The following UCHL1 variants were observed in gnomAD, a reference collection of about 807,000 sequenced individuals.
The protein encoded by UCHL1 is ubiquitin carboxyl-terminal hydrolase isozyme L1.
In UCHL1, 5 loss-of-function variants were observed where a neutral mutation model predicts 33.3. The observed-to-expected ratio is 0.15, with a 90% confidence interval of 0.08 to 0.32. The LOEUF is 0.32. Ranked by LOEUF, UCHL1 falls within the 10% of genes least tolerant of loss-of-function variation. UCHL1 has a pLI of 1.00. For missense variants in UCHL1, 236 were observed against 280.0 expected (o/e 0.84, Z 1.12); for synonymous variants, 132 against 108.8 (o/e 1.21, Z -1.33).
At position 41,268,026 on chromosome 4, in the gene UCHL1, C is replaced by G; in HGVS notation, c.625C>G (p.Gln209Glu). Residue 209 changes from glutamine to glutamate, a missense_variant, in exon 9 of 9, where the codon CAA becomes GAA. Coordinates refer to ENST00000284440, the MANE Select transcript of UCHL1 (RefSeq NM_004181.5). ...KVCREFTERE[Q>E]GEVRFSAVAL... ...CTGCAGAGAATTCACCGAGCGTGAG[C>G]AAGGAGAAGTCCGCTTCTCTGCCGT... 1 of 1,613,704 alleles carries G rather than the reference C, an allele frequency of 6.2e-7. No homozygotes were observed. The highest frequency in any genetic ancestry group is 2.2e-5 in the East Asian group (1 of 44,888).
At position 41,261,699 on chromosome 4, in the gene UCHL1, C is replaced by A. The variant is rs767268217; in HGVS notation, c.326-16C>A. 2.5e-6 allele frequency: 4 copies of A among 1,592,010 alleles called. No individual in the cohort carries two copies. In the South Asian group the frequency reaches 4.4e-5, roughly 18 times the overall value. On this transcript the variant is annotated splice_polypyrimidine_tract_variant and intron_variant, in intron 4 of 8. Coordinates refer to ENST00000284440, the MANE Select transcript of UCHL1 (RefSeq NM_004181.5). ...TATTATTTTACCTATACTAACACAT[C>A]CATTTTTTTTTTAAGAGGATGGATC...
At chr4:41,261,609 A>T in intron 4 of UCHL1, 106 bp from the exon 5 acceptor site, 1 of 1,226,862 alleles carries the variant, frequency 8.2e-7, no homozygotes, top group Non-Finnish European at 1.2e-6. Flanking sequence ...AGGCAGTATT[A>T]AAGATTCAGG....
rs562809259 is a variant in UCHL1, at chr4:41,257,028, G to A, written c.33+19G>A. Reference sequence around the variant, plus strand: ...CCCCGAGGTGAGCGCCAGGTGCACCGCTACCCGGAGAGCGCGAGGCCGAGG... The same window carrying A: ...CCCCGAGGTGAGCGCCAGGTGCACCACTACCCGGAGAGCGCGAGGCCGAGG... On this transcript the variant is annotated intron_variant, in intron 1 of 8. Transcript: ENST00000284440. The A allele has an allele frequency of 9.3e-6, 15 of 1,614,164 alleles. No individual in the cohort carries two copies. Among genetic ancestry groups the A allele is most frequent in the East Asian group, 6.7e-5 (3 of 44,874 alleles).
intron 3 of UCHL1, among the ~76,000 whole-genome samples, chr4:41,258,663 A>C (rs1412367236): frequency 6.6e-6 from 1 of 152,220 alleles, no homozygotes; most frequent in African/African-American, 2.4e-5. Flanking sequence ...ATCACTCTAA[A>C]GAGTGAGGTT....
intron 6 of UCHL1, among the ~76,000 whole-genome samples, chr4:41,262,141 A>T (rs1349516628): frequency 6.6e-6 from 1 of 152,212 alleles, no homozygotes; most frequent in Non-Finnish European, 1.5e-5. Flanking sequence ...AGTAAATTCA[A>T]ATTGACAGTA....
chr4:41,260,575 T>C (rs1299777038), intron 3 of UCHL1, 72 bp from the exon 4 acceptor site: 2 of 1,556,988 alleles, frequency 1.3e-6, no homozygotes, highest in Non-Finnish European at 1.8e-6. Flanking sequence ...ATTTAGTTGG[T>C]AGAACTCATG....
chr4:41,264,321 T>C (rs1045393504), intron 8 of UCHL1, 160 bp downstream of exon 8: 253 of 881,448 alleles, frequency 2.9e-4, no homozygotes, highest in Non-Finnish European at 5.1e-5. Flanking sequence ...TCTATCTACC[T>C]TATTTTATTG....
At chr4:41,258,763 A>C (rs1489311844) in intron 3 of UCHL1, among the ~76,000 whole-genome samples, 1 of 152,220 alleles carries the variant, frequency 6.6e-6, no homozygotes, top group African/African-American at 2.4e-5. Flanking sequence ...CCTCCTAGTA[A>C]GTAAGCTAAG....
chr4:41,261,594 C>A, intron 4 of UCHL1, 121 bp from the exon 5 acceptor site: 1 of 1,055,506 alleles, frequency 9.5e-7, no homozygotes, highest in Non-Finnish European at 1.4e-6. Context: ...CATCCACAAC[C>A]CTGGAGGCAG....
chr4:41,260,490 C>T (rs1781053223), intron 3 of UCHL1, 157 bp from the exon 4 acceptor site: 4 of 886,818 alleles, frequency 4.5e-6, no homozygotes, highest in Non-Finnish European at 7.0e-6. Flanking sequence ...GGGAGGCAGA[C>T]AGACGGGCCC....
At chr4:41,263,141 T>A in intron 6 of UCHL1, 84 bp from the exon 7 acceptor site, 1 of 1,075,754 alleles carries the variant, frequency 9.3e-7, no homozygotes, top group Non-Finnish European at 1.4e-6. Context: ...ATCAAGTCAG[T>A]TCAAGCACAT....
chr4:41,257,009 G>A lies in UCHL1; in HGVS notation c.33G>A (p.Glu11=). The stretch of plus-strand genomic sequence containing the variant: ...TCAAGCCGATGGAGATCAACCCCGA[G>A]GTGAGCGCCAGGTGCACCGCTACCC... The part of the protein sequence containing the change: MQLKPMEINP[E]MLNKVLSRLG... The change falls in exon 1 of 9, where the codon GAG becomes GAA. Residue 11 remains glutamate, a splice_region_variant and synonymous_variant. Coordinates refer to ENST00000284440, the MANE Select transcript of UCHL1 (RefSeq NM_004181.5). 1 of 1,614,206 alleles carries A rather than the reference G, an allele frequency of 6.2e-7. No individual in the cohort carries two copies.
At chr4:41,262,027 C>G in intron 6 of UCHL1, 104 bp downstream of exon 6, 1 of 1,493,494 alleles carries the variant, frequency 6.7e-7, no homozygotes, top group Non-Finnish European at 9.1e-7. Context: ...TGTTATCCAC[C>G]CAAGGCCAAA....
intron 3 of UCHL1, 117 bp from the exon 4 acceptor site, chr4:41,260,530 C>T (rs566091341): frequency 7.7e-7 from 1 of 1,300,974 alleles, no homozygotes; most frequent in Non-Finnish European, 1.1e-6. Context: ...CATCTAGAAC[C>T]AGGGGTTCTG....
At chr4:41,266,229 T>A (rs200913073) in intron 8 of UCHL1, among the ~76,000 whole-genome samples, 53 of 149,024 alleles carry the variant, frequency 3.6e-4, no homozygotes, top group Admixed American at 1.6e-3. Flanking sequence ...GCTAAAACTT[T>A]TTTTTTTTTT....
At position 41,267,990 on chromosome 4, in the gene UCHL1, G is replaced by A; in HGVS notation, c.589G>A (p.Ala197Thr). The A allele has an allele frequency of 6.2e-7, 1 of 1,612,846 alleles. No homozygotes were observed. Among genetic ancestry groups the A allele is most frequent in the Non-Finnish European group, 8.5e-7 (1 of 1,179,498 alleles). Residue 197 changes from alanine to threonine, a missense_variant, in exon 9 of 9, where the codon GCT (alanine) becomes ACT (threonine). Ala to Thr is a moderately conservative substitution (Grantham distance 58). Coordinates refer to ENST00000284440, the MANE Select transcript of UCHL1 (RefSeq NM_004181.5). ...ASSEDTLLKDAAKVCREFTER... is the reference protein window; with the variant it reads ...ASSEDTLLKDTAKVCREFTER... ...TAATGACATTTCTCCTTTCCAGGAC[G>A]CTGCCAAGGTCTGCAGAGAATTCAC...
At position 41,257,218 on chromosome 4, in the gene UCHL1, C is replaced by T. The variant is rs529297325; in HGVS notation, c.45+92C>T. On this transcript the variant is annotated intron_variant, in intron 2 of 8. Coordinates refer to ENST00000284440, the MANE Select transcript of UCHL1 (RefSeq NM_004181.5). ...GTTCCGGCTGCTGGCAGGGACCAAGCCGCCCGCTGCGAGCACCGGAGACGG... is the reference window on the plus strand; with the variant it reads ...GTTCCGGCTGCTGGCAGGGACCAAGTCGCCCGCTGCGAGCACCGGAGACGG... 1.2e-4 allele frequency: 199 copies of T among 1,596,164 alleles called. No homozygotes were observed. The African/African-American group carries it at 1.4e-3, about 11-fold the overall frequency.
chr4:41,262,509 GGCTGTTGGGGAGA>G (rs1206696253), intron 6 of UCHL1, among the ~76,000 whole-genome samples: 1 of 152,152 alleles, frequency 6.6e-6, no homozygotes, highest in African/African-American at 2.4e-5. Context: ...AATCTTCACA[GGCTGTTGGGGAGA>G]ATGAAATGCC....
chr4:41,259,598 C>T (rs1314196267), intron 3 of UCHL1, among the ~76,000 whole-genome samples: 2 of 152,166 alleles, frequency 1.3e-5, no homozygotes, highest in Admixed American at 6.5e-5. Context: ...TACAGAAATG[C>T]AAAGCTACTA....
Sources: allele counts gnomAD v4.1 joint callset (sites outside exome capture counted in the v4.1 genomes callset), GRCh38; gene constraint gnomAD v4.1.1; transcripts MANE v1.5; gene names NCBI Gene and HGNC (gene_info 2026-07-23, HGNC 2026-07-21).